RUFY2: variants seen among roughly 807,000 people sequenced by gnomAD.
RUFY2 encodes the protein RUN and FYVE domain-containing protein 2.
Under a neutral mutation model 94.4 loss-of-function variants are expected in RUFY2, and 49 were observed. The ratio of observed to expected loss-of-function variants is 0.52; its 90% CI spans 0.41 to 0.66. The LOEUF is 0.66. Among genes scored for constraint, RUFY2 ranks in the 30% least tolerant of loss-of-function variants. The pLI is 0.00. For synonymous variants in RUFY2, 255 were observed against 235.7 expected (o/e 1.08, Z -0.75); for missense variants, 541 against 692.8 (o/e 0.78, Z 2.46).
rs375879573 is a variant in RUFY2 at position 68,400,745 on chromosome 10, G to A, written c.296+875C>T. On this transcript the variant is annotated intron_variant, in intron 3 of 17. Coordinates refer to ENST00000602465, the MANE Select transcript of RUFY2 (RefSeq NM_001330103.2). The stretch of plus-strand genomic sequence containing the variant: ...AAAAGAATATAGGCTTGGCGCGGTG[G>A]CTCACGCCTGTAATCCCAGCACTTT... Among the ~76,000 whole-genome samples, 9 of 151,902 alleles carry A rather than the reference G, an allele frequency of 5.9e-5. No individual in the cohort carries two copies. The East Asian group carries it at 1.7e-3, about 29-fold the overall frequency.
intron 3 of RUFY2, among the ~76,000 whole-genome samples, chr10:68,400,569 G>A (rs776588652): frequency 4.0e-4 from 60 of 151,636 alleles, no homozygotes; most frequent in Admixed American, 7.9e-4. Context: ...CCAGCTACTC[G>A]GGAGGCTGAG....
intron 1 of RUFY2, among the ~76,000 whole-genome samples, chr10:68,406,583 G>C (rs763581293): frequency 7.9e-5 from 12 of 152,152 alleles, no homozygotes; most frequent in Non-Finnish European, 1.5e-4. Context: ...GGACTTCTCC[G>C]GCCCGTACGC....
At chr10:68,343,069 A>G (rs945127083), downstream of RUFY2, 7 of 152,198 alleles carry the variant, frequency 4.6e-5, no homozygotes, top group Non-Finnish European at 1.0e-4. Context: ...CCTTTGATCA[A>G]TATGGCTTTT....
At chr10:68,397,013 C>A in intron 3 of RUFY2, 132 bp from the exon 4 acceptor site, 1 of 590,042 alleles carries the variant, frequency 1.7e-6, no homozygotes. Flanking sequence ...ATAGGTTTAT[C>A]TTTTTGAGCA....
At chr10:68,377,065 AG>A (rs2048728533) in intron 12 of RUFY2, 93 bp from the exon 13 acceptor site, 15 of 1,557,814 alleles carry the variant, frequency 9.6e-6, no homozygotes, top group Non-Finnish European at 1.3e-5. Context: ...ATGGGGAAAT[AG>A]AAACATTTCT....
intron 13 of RUFY2, among the ~76,000 whole-genome samples, chr10:68,371,789 A>G (rs184617632): frequency 1.1e-3 from 170 of 152,324 alleles, no homozygotes; most frequent in African/African-American, 3.9e-3. Flanking sequence ...TGAAAGCAGT[A>G]AGACAGAAAT....
At chr10:68,406,052 C>T (rs2051269792) in intron 1 of RUFY2, among the ~76,000 whole-genome samples, 1 of 152,050 alleles carries the variant, frequency 6.6e-6, no homozygotes, top group Non-Finnish European at 1.5e-5. Context: ...GTGGGAATAC[C>T]TTCAACAAAC....
At chr10:68,406,857 A>T (rs773620672) in intron 1 of RUFY2, 3 of 1,610,956 alleles carry the variant, frequency 1.9e-6, no homozygotes, top group East Asian at 4.5e-5. Context: ...AAACCTGAAA[A>T]GTCATCGCCC....
chr10:68,377,531 C>T, intron 12 of RUFY2: 2 of 971,536 alleles, frequency 2.1e-6, no homozygotes, highest in Non-Finnish European at 2.4e-6. Context: ...TGTGTGTGTG[C>T]ACGTGTGCAT....
intron 12 of RUFY2, chr10:68,377,356 A>G: frequency 9.4e-7 from 1 of 1,063,262 alleles, no homozygotes; most frequent in Non-Finnish European, 1.1e-6. Flanking sequence ...TGCCTACACT[A>G]GGTGAAGAAG....
chr10:68,381,527 G>A (rs2049054834), intron 10 of RUFY2, 128 bp from the exon 11 acceptor site: 1 of 784,864 alleles, frequency 1.3e-6, no homozygotes, highest in Non-Finnish European at 2.0e-6. Flanking sequence ...AATCAACCAG[G>A]CCCTATAACA....
chr10:68,403,567 T>C (rs974880736), intron 2 of RUFY2, among the ~76,000 whole-genome samples: 18 of 152,176 alleles, frequency 1.2e-4, no homozygotes, highest in African/African-American at 4.1e-4. Context: ...TAGAAGAGAA[T>C]GAATAAAAAC....
intron 12 of RUFY2, chr10:68,378,497 C>A: frequency 7.2e-7 from 1 of 1,387,366 alleles, no homozygotes. Context: ...AGATTCCTTT[C>A]TATTTAATAT....
intron 4 of RUFY2, 120 bp downstream of exon 4, chr10:68,396,657 CTCT>C (rs1389421212): frequency 2.8e-5 from 16 of 579,584 alleles, no homozygotes; most frequent in African/African-American, 1.1e-4. Flanking sequence ...TTTGCTCCTC[CTCT>C]TATTTTATAT....
chr10:68,357,435 G>T (rs1470075391), intron 15 of RUFY2, among the ~76,000 whole-genome samples: 2 of 151,810 alleles, frequency 1.3e-5, no homozygotes, highest in Non-Finnish European at 2.9e-5. Flanking sequence ...TTCCATGTTG[G>T]CCAAGCTGGT....
rs547603772 is a variant in RUFY2 at position 68,344,365 on chromosome 10, A to AT, written c.*1402dup. 339 of 152,326 alleles carry AT rather than the reference A, an allele frequency of 2.2e-3. 3 individuals are homozygous for AT. The highest frequency in any genetic ancestry group is 8.0e-3 in the African/African-American group (334 of 41,578). The allele number at this position is 152,326 out of a possible 1,614,324, so 9.4% of individuals were successfully genotyped here. Reference sequence around the variant, plus strand: ...CTCTTAATCCATAAATTTTCTATGTATTTTTTATAGGCTCACAAACTTAAA... The same window carrying AT: ...CTCTTAATCCATAAATTTTCTATGTATTTTTTTATAGGCTCACAAACTTAAA... On this transcript the variant is annotated 3_prime_UTR_variant, in exon 18 of 18. Coordinates refer to ENST00000602465, the MANE Select transcript of RUFY2 (RefSeq NM_001330103.2).
At chr10:68,373,495 G>A (rs2048412166) in intron 13 of RUFY2, among the ~76,000 whole-genome samples, 2 of 152,194 alleles carry the variant, frequency 1.3e-5, no homozygotes, top group African/African-American at 2.4e-5. Flanking sequence ...GGCCAAGCAT[G>A]ATGGCTCATG....
chr10:68,359,238 T>C (rs555459391), intron 15 of RUFY2, among the ~76,000 whole-genome samples: 1 of 151,244 alleles, frequency 6.6e-6, no homozygotes, highest in East Asian at 2.0e-4. Flanking sequence ...ATTAGCCAGA[T>C]GTGGTGGCAC....
At chr10:68,387,777 G>A (rs1367729298) in intron 7 of RUFY2, among the ~76,000 whole-genome samples, 2 of 125,102 alleles carry the variant, frequency 1.6e-5, no homozygotes, top group South Asian at 3.3e-4. Context: ...GGCCGAGGCG[G>A]GCAGATCACA....
Sources: allele counts gnomAD v4.1 joint callset (sites outside exome capture counted in the v4.1 genomes callset), GRCh38; gene constraint gnomAD v4.1.1; transcripts MANE v1.5; gene names NCBI Gene and HGNC (gene_info 2026-07-23, HGNC 2026-07-21).